MYH14: variants seen among roughly 807,000 people sequenced by gnomAD.
The protein encoded by MYH14 is myosin-14.
In MYH14, 123 loss-of-function variants were observed where a neutral mutation model predicts 255.5. The observed-to-expected ratio is 0.48, with a 90% confidence interval of 0.42 to 0.56. The LOEUF (loss-of-function observed/expected upper bound fraction) is 0.56. Among genes scored for constraint, MYH14 ranks in the 20% least tolerant of loss-of-function variants. The pLI, the probability that MYH14 is intolerant of heterozygous loss-of-function variation, is 0.00. For synonymous variants in MYH14, 1,095 were observed against 1,161.2 expected (o/e 0.94, Z 1.16); for missense variants, 2,423 against 2,802.3 (o/e 0.86, Z 3.06).
intron 13 of MYH14, 175 bp downstream of exon 13, chr19:50,249,314 C>A: frequency 1.3e-6 from 1 of 767,308 alleles, no homozygotes; most frequent in Non-Finnish European, 2.0e-6. Flanking sequence ...TGTCCCCTGT[C>A]TCTGGGTCTC....
chr19:50,260,636 C>A lies in MYH14; in HGVS notation c.2355-10C>A, dbSNP rs1363807210. The A allele has an allele frequency of 6.2e-7, 1 of 1,609,136 alleles. No homozygotes were observed. The highest frequency in any genetic ancestry group is 1.7e-5 in the Admixed American group (1 of 59,844). Reference sequence around the variant, plus strand: ...ACTCTCTCCTCCCCACCCCTCCCTGCTCATTGCAGATACGAGATCCTGACA... The same window carrying A: ...ACTCTCTCCTCCCCACCCCTCCCTGATCATTGCAGATACGAGATCCTGACA... On this transcript the variant is annotated splice_polypyrimidine_tract_variant and intron_variant, in intron 19 of 42. Transcript: ENST00000642316.
intron 39 of MYH14, among the ~76,000 whole-genome samples, chr19:50,297,699 C>T (rs2123468335): frequency 6.6e-6 from 1 of 151,636 alleles, no homozygotes; most frequent in South Asian, 2.1e-4. Flanking sequence ...GGCATTTCAC[C>T]ATGTTGGCCA....
intron 8 of MYH14, among the ~76,000 whole-genome samples, chr19:50,228,920 C>G (rs1000088203): frequency 6.6e-6 from 1 of 152,190 alleles, no homozygotes; most frequent in African/African-American, 2.4e-5. Flanking sequence ...AGGAGCACCA[C>G]CCTGTGTGGC....
chr19:50,215,019 G>C (rs374120065), intron 2 of MYH14, among the ~76,000 whole-genome samples: 5 of 129,924 alleles, frequency 3.8e-5, no homozygotes, highest in African/African-American at 7.5e-5. Context: ...TGAGGGGAGC[G>C]GGGGGGCAGG....
chr19:50,244,224 C>CT lies in MYH14; in HGVS notation c.1115-17dup. On this transcript the variant is annotated splice_polypyrimidine_tract_variant and intron_variant, in intron 10 of 42. Transcript: ENST00000642316. ...CGGGGTCCAGAGCCACACGTGACCT[C>CT]TGTCCTTGCGTCCCCAGCCATGCTG... 1 of 1,613,152 alleles carries CT rather than the reference C, an allele frequency of 6.2e-7. No individual in the cohort carries two copies. Among genetic ancestry groups the CT allele is most frequent in the Non-Finnish European group, 8.5e-7 (1 of 1,179,158 alleles).
rs991903847 is a variant in MYH14, at chr19:50,260,570, G to A, written c.2355-76G>A. 3.0e-6 allele frequency: 3 copies of A among 1,003,250 alleles called. No individual in the cohort carries two copies. In the African/African-American group the frequency reaches 4.8e-5, roughly 16 times the overall value. 62.1% of individuals were successfully genotyped at this position (1,003,250 alleles called of 1,614,324 possible). ...CCTGCTGTGTGTCACTCTGAGCCCA[G>A]TGCCTGGCCCGCAGCAGGCACTAGG... On this transcript the variant is annotated intron_variant, in intron 19 of 42. Transcript: ENST00000642316.
chr19:50,308,798 G>C, intron 41 of MYH14: 2 of 583,672 alleles, frequency 3.4e-6, no homozygotes, highest in Non-Finnish European at 6.0e-6. Flanking sequence ...GGCCATGTAG[G>C]AGACAACCTG....
chr19:50,237,648 A>G (rs1263441548), intron 10 of MYH14, among the ~76,000 whole-genome samples: 1 of 152,170 alleles, frequency 6.6e-6, no homozygotes, highest in Non-Finnish European at 1.5e-5. Flanking sequence ...TTTAAATTGC[A>G]GAGAATCTAC....
chr19:50,309,213 G>A, intron 42 of MYH14, 36 bp downstream of exon 42: 2 of 1,598,816 alleles, frequency 1.3e-6, no homozygotes, highest in East Asian at 2.2e-5. Context: ...GACGGGTGGG[G>A]AGCACCCTAA....
In MYH14 at chr19:50,278,251, G is replaced by A; in HGVS notation, c.3994G>A (p.Ala1332Thr). The A allele has an allele frequency of 6.3e-7, 1 of 1,587,156 alleles. No individual in the cohort carries two copies. The highest frequency in any genetic ancestry group is 1.1e-5 in the South Asian group (1 of 87,268). Residue 1332 changes from alanine (A) to threonine (T), a missense_variant, in exon 30 of 43, where the codon GCA becomes ACA. Physicochemically the swap from Ala to Thr is moderately conservative, Grantham distance 58. Around this residue, in one of 3 missense-constraint regions of MYH14, gnomAD observed 1,513 missense variants for 1,674.8 expected, o/e 0.90. Transcript: ENST00000642316. ...GGGCCGGGCTGGTGATGGGGAGAGG[G>A]CACGAGCGGAGGCTGCTGAGAAGCT... ...VQGRAGDGER[A>T]RAEAAEKLQR...
chr19:50,263,417 CA>C lies in MYH14; in HGVS notation c.2693del (p.Lys898ArgfsTer2). The C allele has an allele frequency of 6.3e-7, 1 of 1,595,356 alleles. No homozygotes were observed. Among genetic ancestry groups the C allele is most frequent in the Non-Finnish European group, 8.5e-7 (1 of 1,171,366 alleles). The part of the protein sequence containing the change: ...RHWQWWRLFT[K>X]VKPLLQVTRQ... ...ACTGGCAGTGGTGGCGGCTGTTTAC[CA>C]AGGTGAGGGCAGCCTGGGGAGGTGG... On this transcript the variant is annotated frameshift_variant and splice_region_variant, in exon 22 of 43. Transcript: ENST00000642316. LOFTEE classifies it high-confidence loss of function.
intron 40 of MYH14, among the ~76,000 whole-genome samples, chr19:50,305,824 C>T (rs991805798): frequency 6.6e-6 from 1 of 151,994 alleles, no homozygotes; most frequent in East Asian, 1.9e-4. Flanking sequence ...CCTAGCTACT[C>T]GGGACACTGA....
At position 50,277,785 on chromosome 19, in the gene MYH14, T is replaced by C. The variant is rs149926309; in HGVS notation, c.3826-298T>C. Among the ~76,000 whole-genome samples the C allele has an allele frequency of 0.019, 2,890 of 151,822 alleles. 40 individuals are homozygous for C. Among genetic ancestry groups the C allele is most frequent in the Non-Finnish European group, 0.029 (1,992 of 67,924 alleles). On this transcript the variant is annotated intron_variant, in intron 29 of 42. Transcript: ENST00000642316. Reference sequence around the variant, plus strand: ...ACAAAAAATTAGCCGGGCGTGGTGGTGGGCGCCTGTAATCCTAGCTACTTG... The same window carrying C: ...ACAAAAAATTAGCCGGGCGTGGTGGCGGGCGCCTGTAATCCTAGCTACTTG...
chr19:50,217,506 A>G, intron 2 of MYH14, 109 bp from the exon 3 acceptor site: 1 of 1,187,094 alleles, frequency 8.4e-7, no homozygotes, highest in South Asian at 1.2e-5. Flanking sequence ...TAGACATACC[A>G]TGTGCAGATA....
intron 39 of MYH14, among the ~76,000 whole-genome samples, chr19:50,298,737 C>T (rs1192516988): frequency 2.1e-5 from 3 of 145,726 alleles, no homozygotes; most frequent in Non-Finnish European, 3.0e-5. Flanking sequence ...GGCAACAGAG[C>T]GAGACTCCAT....
Position 50,244,232 on chromosome 19 carries a change from G to T in MYH14, c.1115-10G>T. The T allele has an allele frequency of 6.2e-7, 1 of 1,613,374 alleles. No individual in the cohort carries two copies. ...AGAGCCACACGTGACCTCTGTCCTT[G>T]CGTCCCCAGCCATGCTGCGGATGGT... On this transcript the variant is annotated splice_polypyrimidine_tract_variant and intron_variant, in intron 10 of 42. Transcript: ENST00000642316.
rs1310478454 is a variant in MYH14, at chr19:50,223,103, C to G, written c.583C>G (p.Leu195Val). The change falls in exon 4 of 43, where the codon CTC becomes GTC. Residue 195 changes from leucine to valine, a missense_variant. Physicochemically the swap from Leu to Val is conservative, Grantham distance 32. This residue lies in a region of MYH14 where 672 missense variants were observed against 881.8 expected (regional missense o/e 0.76). Transcript: ENST00000642316. ...TACAGATCGTGAGGACCAGTCCATT[C>G]TCTGCACGTGAGTAATCTGGAAGGA... ...MLQDREDQSILCTGESGAGKT... is the reference protein window; with the variant it reads ...MLQDREDQSIVCTGESGAGKT... 1.2e-6 allele frequency: 2 copies of G among 1,613,770 alleles called. No individual in the cohort carries two copies. Among genetic ancestry groups the G allele is most frequent in the Admixed American group, 1.7e-5 (1 of 60,026 alleles).
intron 12 of MYH14, among the ~76,000 whole-genome samples, chr19:50,248,393 C>T (rs1223695045): frequency 6.6e-6 from 1 of 152,080 alleles, no homozygotes; most frequent in East Asian, 1.9e-4. Context: ...ATCGTGGGAG[C>T]TCACACCATG....
Position 50,261,483 on chromosome 19 carries a change from G to A in MYH14, c.2433G>A (p.Ala811=), listed in dbSNP as rs746902884. The A allele has an allele frequency of 2.5e-5, 36 of 1,412,476 alleles. No homozygotes were observed. Among genetic ancestry groups the A allele is most frequent in the African/African-American group, 4.2e-5 (2 of 47,214 alleles). 87.5% of individuals were successfully genotyped at this position (1,412,476 alleles called of 1,614,324 possible). A position where few individuals can be genotyped will look rare whatever the true frequency, so the allele number is the denominator to read the frequency against. Residue 811 remains alanine, a synonymous_variant, in exon 21 of 43, where the codon GCG becomes GCA. Transcript: ENST00000642316. ...GKQACEKMIQ[A]LELDPNLYRV... ...TCTCCCACCCCTCACAGATCCAGGCGCTGGAACTGGACCCCAACCTCTACC... is the reference window on the plus strand; with the variant it reads ...TCTCCCACCCCTCACAGATCCAGGCACTGGAACTGGACCCCAACCTCTACC...
Sources: allele counts gnomAD v4.1 joint callset (sites outside exome capture counted in the v4.1 genomes callset), GRCh38; gene constraint gnomAD v4.1.1; regional missense constraint gnomAD v4.1.1; transcripts MANE v1.5; gene names NCBI Gene and HGNC (gene_info 2026-07-23, HGNC 2026-07-21).